The following SLC10A6 variants were observed in gnomAD, a reference collection of about 807,000 sequenced individuals.
SLC10A6 encodes sodium-dependent organic anion transporter.
Under a neutral mutation model 30.0 loss-of-function variants are expected in SLC10A6, and 27 were observed. That is an observed-to-expected ratio of 0.90 (90% confidence interval 0.66 to 1.24). The LOEUF (loss-of-function observed/expected upper bound fraction) is 1.24, where lower values mean the gene tolerates loss of function less well. SLC10A6 is among the 50% of genes most tolerant of loss of function. SLC10A6 has a pLI of 0.00. For missense variants in SLC10A6, 439 were observed against 457.0 expected (o/e 0.96, Z 0.36); for synonymous variants, 166 against 173.8 (o/e 0.95, Z 0.36).
At chr4:86,847,550 C>T (rs1481962532) in intron 1 of SLC10A6, among the ~76,000 whole-genome samples, 2 of 151,994 alleles carry the variant, frequency 1.3e-5, no homozygotes, top group African/African-American at 4.8e-5. Context: ...CAAAATTCAT[C>T]AAGTTATTTT....
intron 1 of SLC10A6, among the ~76,000 whole-genome samples, chr4:86,837,221 GAGAGAGAAAGAA>G (rs1376849444): frequency 9.8e-4 from 77 of 78,576 alleles, no homozygotes; most frequent in Non-Finnish European, 1.3e-3. Context: ...GAGAGAGAGA[GAGAGAGAAAGAA>G]AGAAAGAAAG....
At chr4:86,839,978 G>A (rs1031261219) in intron 1 of SLC10A6, among the ~76,000 whole-genome samples, 1 of 149,512 alleles carries the variant, frequency 6.7e-6, no homozygotes, top group Non-Finnish European at 1.5e-5. Context: ...GCCTGATCTT[G>A]ACTCACTGCA....
chr4:86,825,632 A>G (rs556406645), intron 4 of SLC10A6, 55 bp from the exon 5 acceptor site: 1 of 1,479,062 alleles, frequency 6.8e-7, no homozygotes, highest in Non-Finnish European at 9.2e-7. Flanking sequence ...AACTATTCTA[A>G]TATTTTCTCA....
chr4:86,825,334 T>G (rs1383814194), intron 5 of SLC10A6, 86 bp downstream of exon 5: 4 of 1,329,068 alleles, frequency 3.0e-6, no homozygotes, highest in African/African-American at 1.4e-5. Context: ...GGGCAGCACA[T>G]GCAAGTTTGG....
At position 86,849,178 on chromosome 4, in the gene SLC10A6, T is replaced by C. The variant is rs1578762874; in HGVS notation, c.-63A>G. On this transcript the variant is annotated 5_prime_UTR_variant, in exon 1 of 6. Transcript: ENST00000273905. ...CGGCAACAATGGCTGGGCAGGTCTA[T>C]CCTGCCACATTTTGTAATAGTGCAA... 4.6e-6 allele frequency: 7 copies of C among 1,525,758 alleles called. No homozygotes were observed. The highest frequency in any genetic ancestry group is 8.8e-7 in the Non-Finnish European group (1 of 1,135,772). The allele number at this position is 1,525,758 out of a possible 1,614,324, so 94.5% of individuals were successfully genotyped here. A position where few individuals can be genotyped will look rare whatever the true frequency, so the allele number is the denominator to read the frequency against.
chr4:86,839,742 T>C (rs554988376), intron 1 of SLC10A6, among the ~76,000 whole-genome samples: 19 of 152,294 alleles, frequency 1.2e-4, no homozygotes, highest in Non-Finnish European at 2.6e-4. Flanking sequence ...CAAGGTGGAA[T>C]TGCTATGTAA....
Position 86,823,732 on chromosome 4 carries a change from G to A in SLC10A6, c.1090C>T (p.His364Tyr). Residue 364 changes from histidine to tyrosine, a missense_variant, in exon 6 of 6, where the codon CAC (histidine) becomes TAC (tyrosine). Transcript: ENST00000273905. ...TGGCCAACTGGCTCGAGAGCCCTGTGGCAATCCATTGGCCCTGGTGGCCCA... is the reference window on the plus strand; with the variant it reads ...TGGCCAACTGGCTCGAGAGCCCTGTAGCAATCCATTGGCCCTGGTGGCCCA... The part of the protein sequence containing the change: ...TPGPPGPMDC[H>Y]RALEPVGHIT... 6.2e-7 allele frequency: 1 copy of A among 1,613,980 alleles called. No individual in the cohort carries two copies. The highest frequency in any genetic ancestry group is 8.5e-7 in the Non-Finnish European group (1 of 1,179,944).
chr4:86,837,310 G>A (rs71605620), intron 1 of SLC10A6, among the ~76,000 whole-genome samples: 23 of 140,946 alleles, frequency 1.6e-4, no homozygotes, highest in Non-Finnish European at 2.6e-4. Context: ...AGGAAGGAAG[G>A]AAGGAAGGAA....
rs1354157371 is a variant in SLC10A6 at position 86,828,136 on chromosome 4, CAGA to C, written c.615_617del (p.Leu206del). 2 of 1,613,350 alleles carry C rather than the reference CAGA, an allele frequency of 1.2e-6. No homozygotes were observed. On this transcript the variant is annotated inframe_deletion, in exon 4 of 6. Transcript: ENST00000273905. ...GGACCACACCAGCAACTGCGACCAC[CAGA>C]AGGAGGACCCCACCAACAACGGCCC...
chr4:86,829,778 G>T (rs1274217364), intron 3 of SLC10A6, among the ~76,000 whole-genome samples: 5 of 151,640 alleles, frequency 3.3e-5, no homozygotes, highest in Non-Finnish European at 7.4e-5. Flanking sequence ...GAATATTTAT[G>T]CATATTATTA....
At chr4:86,843,090 C>T (rs1171946324) in intron 1 of SLC10A6, among the ~76,000 whole-genome samples, 2 of 151,858 alleles carry the variant, frequency 1.3e-5, no homozygotes, top group Non-Finnish European at 1.5e-5. Flanking sequence ...AGGCTGGTCT[C>T]GAACTCCTGA....
At chr4:86,836,431 G>A (rs1746186392) in intron 1 of SLC10A6, among the ~76,000 whole-genome samples, 1 of 152,112 alleles carries the variant, frequency 6.6e-6, no homozygotes, top group Non-Finnish European at 1.5e-5. Flanking sequence ...AGGTGTTTAG[G>A]TCACAATGAA....
chr4:86,839,905 T>C (rs1045856369), intron 1 of SLC10A6, among the ~76,000 whole-genome samples: 1,429 of 67,502 alleles, frequency 0.021, 28 homozygotes, highest in African/African-American at 0.17. Flanking sequence ...ACACTCTTAT[T>C]TTTTTTTTTT....
chr4:86,828,971 G>A (rs1250354307), intron 3 of SLC10A6, among the ~76,000 whole-genome samples: 3 of 152,284 alleles, frequency 2.0e-5, no homozygotes, highest in East Asian at 3.9e-4. Context: ...GATTCAGGAT[G>A]TGAAGGAGGA....
At chr4:86,831,912 T>G (rs771890959) in intron 2 of SLC10A6, 32 bp from the exon 3 acceptor site, 24 of 1,536,214 alleles carry the variant, frequency 1.6e-5, no homozygotes, top group Non-Finnish European at 2.2e-5. Context: ...GAGAGGGTTT[T>G]CCCTCTCACC....
Position 86,849,334 on chromosome 4 carries a change from GGTAA to G in SLC10A6, c.-223_-220del, listed in dbSNP as rs1746446881. ...AGGCATGAAACATATAATAAACTGTGGTAAGTAAGGCTTTCCACTTCTGTTCTTA... is the reference window on the plus strand; with the variant it reads ...AGGCATGAAACATATAATAAACTGTGGTAAGGCTTTCCACTTCTGTTCTTA... On this transcript the variant is annotated 5_prime_UTR_variant, in exon 1 of 6. Transcript: ENST00000273905. 17 of 562,144 alleles carry G rather than the reference GGTAA, an allele frequency of 3.0e-5. No individual in the cohort carries two copies. The East Asian group carries it at 4.8e-4, about 16-fold the overall frequency. The allele number at this position is 562,144 out of a possible 1,614,324, so 34.8% of individuals were successfully genotyped here.
At chr4:86,830,738 A>G (rs1746063899) in intron 3 of SLC10A6, among the ~76,000 whole-genome samples, 1 of 152,206 alleles carries the variant, frequency 6.6e-6, no homozygotes, top group South Asian at 2.1e-4. Context: ...ACCAAGCCAA[A>G]CCATAAACCA....
chr4:86,845,549 A>G (rs1746379156), intron 1 of SLC10A6, among the ~76,000 whole-genome samples: 1 of 152,226 alleles, frequency 6.6e-6, no homozygotes, highest in Non-Finnish European at 1.5e-5. Context: ...CAGGATTTGA[A>G]TATAGGCAAT....
chr4:86,848,685 T>C, intron 1 of SLC10A6, 54 bp downstream of exon 1: 1 of 1,508,628 alleles, frequency 6.6e-7, no homozygotes, highest in Non-Finnish European at 8.9e-7. Flanking sequence ...GTTTCAGTTA[T>C]TCCCCCTAGG....
Sources: allele counts gnomAD v4.1 joint callset (sites outside exome capture counted in the v4.1 genomes callset), GRCh38; gene constraint gnomAD v4.1.1; transcripts MANE v1.5; gene names NCBI Gene and HGNC (gene_info 2026-07-23, HGNC 2026-07-21).